Variants in ADAMTS6 observed in about 807,000 individuals in gnomAD.
ADAMTS6 encodes ADAM metallopeptidase with thrombospondin type 1 motif 6, also known as A disintegrin and metalloproteinase with thrombospondin motifs 6.
In ADAMTS6, 23 loss-of-function variants were observed where a neutral mutation model predicts 144.3. That is an observed-to-expected ratio of 0.16 (90% CI 0.11 to 0.23). The LOEUF (loss-of-function observed/expected upper bound fraction) is 0.23. ADAMTS6 is among the 10% of genes least tolerant of loss of function. The pLI, the probability that ADAMTS6 is intolerant of heterozygous loss-of-function variation, is 1.00. For missense variants in ADAMTS6, 999 were observed against 1,379.6 expected, an observed-to-expected ratio of 0.72 and a Z score of 4.37; for synonymous variants, 444 against 457.5, an observed-to-expected ratio of 0.97 and a Z score of 0.38.
chr5:65,439,797 T>C (rs1384667225), intron 7 of ADAMTS6, among the ~76,000 whole-genome samples: 3 of 152,152 alleles, frequency 2.0e-5, no homozygotes, highest in Non-Finnish European at 4.4e-5. Context: ...TATAAGAGAA[T>C]GTCTTTGTCC....
chr5:65,378,720 C>CTG (rs1751772394), intron 7 of ADAMTS6, among the ~76,000 whole-genome samples: 1 of 152,148 alleles, frequency 6.6e-6, no homozygotes, highest in Non-Finnish European at 1.5e-5. Flanking sequence ...TTTACTACAG[C>CTG]ACCATACTAC....
chr5:65,324,421 A>T (rs1745968585), intron 9 of ADAMTS6, among the ~76,000 whole-genome samples: 1 of 152,158 alleles, frequency 6.6e-6, no homozygotes. Context: ...AAAAATTTTA[A>T]GTTACACTTC....
At chr5:65,391,391 A>G (rs1752896495) in intron 7 of ADAMTS6, among the ~76,000 whole-genome samples, 1 of 150,988 alleles carries the variant, frequency 6.6e-6, no homozygotes, top group Admixed American at 6.6e-5. Flanking sequence ...TTGCTTTATT[A>G]TTTGCAGCCA....
chr5:65,374,101 A>G (rs1751265914), intron 7 of ADAMTS6, among the ~76,000 whole-genome samples: 1 of 152,212 alleles, frequency 6.6e-6, no homozygotes, highest in African/African-American at 2.4e-5. Context: ...TATTGATGGG[A>G]CATATTTCAA....
chr5:65,399,991 C>A (rs1368967788), intron 7 of ADAMTS6, among the ~76,000 whole-genome samples: 4 of 152,118 alleles, frequency 2.6e-5, no homozygotes, highest in African/African-American at 9.7e-5. Flanking sequence ...GTCTTTATTT[C>A]CCCTTCACTT....
chr5:65,409,832 G>T (rs1292309387), intron 7 of ADAMTS6, among the ~76,000 whole-genome samples: 1 of 152,192 alleles, frequency 6.6e-6, no homozygotes, highest in African/African-American at 2.4e-5. Flanking sequence ...GGGATGCAAG[G>T]CTTGTTCAAC....
At chr5:65,458,815 C>T (rs1270357096) in intron 4 of ADAMTS6, among the ~76,000 whole-genome samples, 2 of 152,188 alleles carry the variant, frequency 1.3e-5, no homozygotes, top group African/African-American at 4.8e-5. Context: ...ACTGGAACTA[C>T]ATAGAACAAA....
intron 11 of ADAMTS6, among the ~76,000 whole-genome samples, chr5:65,274,216 T>G (rs1426565823): frequency 6.6e-6 from 1 of 152,042 alleles, no homozygotes; most frequent in Non-Finnish European, 1.5e-5. Context: ...TATTAACATA[T>G]CAGATTTTAA....
At chr5:65,268,484 C>A (rs1017460314) in intron 12 of ADAMTS6, among the ~76,000 whole-genome samples, 1 of 152,144 alleles carries the variant, frequency 6.6e-6, no homozygotes, top group African/African-American at 2.4e-5. Flanking sequence ...AAGGAAAGCT[C>A]TCTGGCTGAA....
intron 18 of ADAMTS6, among the ~76,000 whole-genome samples, chr5:65,217,141 A>T (rs1756990603): frequency 6.6e-6 from 1 of 152,206 alleles, no homozygotes; most frequent in South Asian, 2.1e-4. Flanking sequence ...TTCAAAATAA[A>T]TCTAATTAAC....
intron 24 of ADAMTS6, among the ~76,000 whole-genome samples, chr5:65,163,132 A>G (rs1259003026): frequency 6.6e-6 from 1 of 151,878 alleles, no homozygotes; most frequent in Non-Finnish European, 1.5e-5. Context: ...ATGGTCTTGA[A>G]CTCCTGGGCT....
At chr5:65,392,398 C>A (rs1752997848) in intron 7 of ADAMTS6, among the ~76,000 whole-genome samples, 1 of 152,150 alleles carries the variant, frequency 6.6e-6, no homozygotes, top group African/African-American at 2.4e-5. Context: ...TTTTTCAACT[C>A]CAGGTCTCTC....
At chr5:65,431,713 G>C (rs893032153) in intron 7 of ADAMTS6, among the ~76,000 whole-genome samples, 3 of 152,014 alleles carry the variant, frequency 2.0e-5, no homozygotes, top group African/African-American at 2.4e-5. Flanking sequence ...TTGCCACATA[G>C]AGAAAATCTG....
chr5:65,460,047 G>T (rs1759527262), intron 4 of ADAMTS6, 123 bp downstream of exon 4: 1 of 1,072,414 alleles, frequency 9.3e-7, no homozygotes. Flanking sequence ...AAAGGGCTCT[G>T]GACATTATAA....
chr5:65,329,350 T>G, intron 9 of ADAMTS6, 28 bp downstream of exon 9: 1 of 1,604,684 alleles, frequency 6.2e-7, no homozygotes, highest in Non-Finnish European at 8.5e-7. Flanking sequence ...GTTCTAAAAT[T>G]TATTTTGATT....
intron 9 of ADAMTS6, among the ~76,000 whole-genome samples, chr5:65,309,422 A>G (rs1271601304): frequency 9.2e-6 from 1 of 109,272 alleles, no homozygotes; most frequent in Non-Finnish European, 1.7e-5. Context: ...TTGATCTGAC[A>G]GGAGGTGGAG....
intron 4 of ADAMTS6, 118 bp from the exon 5 acceptor site, chr5:65,453,036 A>T: frequency 1.3e-6 from 1 of 773,108 alleles, no homozygotes; most frequent in Non-Finnish European, 1.9e-6. Context: ...TTCAAAGAGA[A>T]GAGAATGAGA....
chr5:65,354,231 G>A (rs1206078280), intron 7 of ADAMTS6, among the ~76,000 whole-genome samples: 1 of 151,694 alleles, frequency 6.6e-6, no homozygotes, highest in Non-Finnish European at 1.5e-5. Context: ...CAATCACAAT[G>A]AGAGCAGAGG....
chr5:65,262,055 G>A lies in ADAMTS6; in HGVS notation c.1766+762C>T, dbSNP rs58792389. On this transcript the variant is annotated intron_variant, in intron 13 of 24. Transcript: ENST00000381055. ...AGACAAAAATGGGCACTTGACATGCGGCAGCCAAAGAACAGTTTAGTCTCA... is the reference window on the plus strand; with the variant it reads ...AGACAAAAATGGGCACTTGACATGCAGCAGCCAAAGAACAGTTTAGTCTCA... Among the ~76,000 whole-genome samples the A allele has an allele frequency of 6.9e-3, 1,045 of 152,196 alleles. 17 individuals are homozygous for A. Among genetic ancestry groups the A allele is most frequent in the African/African-American group, 0.023 (964 of 41,524 alleles).
Sources: gnomAD v4.1 joint callset for allele counts (sites outside exome capture counted in the v4.1 genomes callset) on GRCh38, gnomAD v4.1.1 for gene constraint, MANE v1.5 for transcripts, NCBI Gene and HGNC (gene_info 2026-07-23, HGNC 2026-07-21) for gene names.